PCDH7: variants seen among roughly 807,000 people sequenced by gnomAD.
PCDH7 encodes protocadherin-7.
In PCDH7, 17 loss-of-function variants were observed where a neutral mutation model predicts 58.9. That is an observed-to-expected ratio of 0.29 (90% CI 0.20 to 0.43). PCDH7 has a LOEUF of 0.43. Among genes scored for constraint, PCDH7 ranks in the 20% least tolerant of loss-of-function variants. The probability of loss-of-function intolerance (pLI) is 1.00; values close to 1 mark genes in which losing one functional copy is unlikely to be tolerated. For synonymous variants in PCDH7, 664 were observed against 616.4 expected (o/e 1.08, Z -1.14); for missense variants, 1,274 against 1,441.0 (o/e 0.88, Z 1.88).
chr4:31,112,554 G>A (rs552795780), intron 3 of PCDH7, among the ~76,000 whole-genome samples: 24 of 152,210 alleles, frequency 1.6e-4, no homozygotes, highest in Middle Eastern at 3.4e-3. Flanking sequence ...TTCAGTTGGC[G>A]TAACATGCTG....
rs73214914 is a variant in PCDH7 at position 30,861,219 on chromosome 4, A to G, written c.71-58934A>G. Reference sequence around the variant, plus strand: ...ATGCCTCCAACGATTCAACATCAGCATTACAGGATCTTGAGTTGTTTTTCC... The same window carrying G: ...ATGCCTCCAACGATTCAACATCAGCGTTACAGGATCTTGAGTTGTTTTTCC... On this transcript the variant is annotated intron_variant, in intron 1 of 3. Transcript: ENST00000509759. 5.6e-3 allele frequency among the ~76,000 whole-genome samples: 856 copies of G among 152,302 alleles called. 5 individuals are homozygous for G. The highest frequency in any genetic ancestry group is 0.02 in the Middle Eastern group (6 of 294).
At chr4:30,731,048 A>G (rs947111097) in exon 2 of PCDH7, 2 of 1,189,410 alleles carry the variant, frequency 1.7e-6, no homozygotes, top group Non-Finnish European at 2.1e-6. Context: ...ATTCTTAAAG[A>G]GGCGGTTAGC....
intron 3 of PCDH7, among the ~76,000 whole-genome samples, chr4:31,134,634 A>G (rs1181213961): frequency 6.6e-6 from 1 of 152,178 alleles, no homozygotes; most frequent in Admixed American, 6.5e-5. Context: ...ACACACAAAC[A>G]TAACTTAGTG....
At chr4:30,870,999 C>T (rs1205936034) in intron 1 of PCDH7, among the ~76,000 whole-genome samples, 2 of 151,978 alleles carry the variant, frequency 1.3e-5, no homozygotes, top group East Asian at 3.9e-4. Flanking sequence ...TTATTTGGCT[C>T]TTCTGTGAGG....
At chr4:31,018,326 T>C (rs1393834793) in intron 3 of PCDH7, among the ~76,000 whole-genome samples, 1 of 152,192 alleles carries the variant, frequency 6.6e-6, no homozygotes, top group Non-Finnish European at 1.5e-5. Context: ...AACCACGATG[T>C]TTGAACCTAG....
intron 1 of PCDH7, among the ~76,000 whole-genome samples, chr4:30,809,734 A>G (rs759146114): frequency 3.3e-4 from 50 of 152,262 alleles, no homozygotes; most frequent in Non-Finnish European, 6.2e-4. Context: ...CTGCATGGGT[A>G]TTCTTTACAA....
intron 1 of PCDH7, among the ~76,000 whole-genome samples, chr4:30,790,131 T>C (rs1723924904): frequency 6.6e-6 from 1 of 152,236 alleles, no homozygotes; most frequent in Non-Finnish European, 1.5e-5. Context: ...TTTTTTTGAA[T>C]GCTATTATTT....
chr4:30,938,074 T>C (rs1246430864), intron 2 of PCDH7, among the ~76,000 whole-genome samples: 3 of 152,052 alleles, frequency 2.0e-5, no homozygotes, highest in Admixed American at 2.0e-4. Flanking sequence ...GTTAGGACAA[T>C]TCTCTTGTAG....
intron 1 of PCDH7, among the ~76,000 whole-genome samples, chr4:30,896,506 C>G (rs1739406849): frequency 6.6e-6 from 1 of 152,040 alleles, no homozygotes; most frequent in South Asian, 2.1e-4. Flanking sequence ...ATATACAGTA[C>G]AAACCTCATC....
intron 3 of PCDH7, among the ~76,000 whole-genome samples, chr4:30,971,724 G>A (rs558247999): frequency 5.3e-5 from 8 of 152,284 alleles, no homozygotes; most frequent in African/African-American, 1.7e-4. Context: ...CCAACCATGA[G>A]CACACCATTA....
At chr4:31,024,535 T>C (rs1473353010) in intron 3 of PCDH7, among the ~76,000 whole-genome samples, 2 of 152,196 alleles carry the variant, frequency 1.3e-5, no homozygotes, top group African/African-American at 4.8e-5. Flanking sequence ...TTAGAATCAG[T>C]ACCATAATTT....
Position 30,957,716 on chromosome 4 carries a change from C to G in PCDH7, c.*7+7501C>G, listed in dbSNP as rs117511089. ...CAAAAGGACACTGCATATCGAATGT[C>G]TTTAAATACATTAAATAGGCTTTAC... On this transcript the variant is annotated intron_variant, in intron 3 of 3. Transcript: ENST00000509759. 5.6e-4 allele frequency among the ~76,000 whole-genome samples: 85 copies of G among 152,228 alleles called. 2 individuals are homozygous for G. The East Asian group carries it at 0.014, about 26-fold the overall frequency.
At chr4:30,923,981 A>G (rs1316530462) in intron 2 of PCDH7, among the ~76,000 whole-genome samples, 1 of 152,196 alleles carries the variant, frequency 6.6e-6, no homozygotes, top group Non-Finnish European at 1.5e-5. Flanking sequence ...CAAGTTAAAA[A>G]CCAAACATTA....
chr4:30,724,793 G>C, intron 1 of PCDH7, 197 bp downstream of exon 1: 8 of 1,403,350 alleles, frequency 5.7e-6, no homozygotes, highest in Non-Finnish European at 6.5e-6. Context: ...TTGCAAATTA[G>C]AATTAAGGTT....
At chr4:30,796,318 T>A (rs1450918350) in intron 1 of PCDH7, among the ~76,000 whole-genome samples, 2 of 152,220 alleles carry the variant, frequency 1.3e-5, no homozygotes, top group African/African-American at 4.8e-5. Flanking sequence ...TCACCGTTAT[T>A]TACTGTTTAG....
intron 3 of PCDH7, among the ~76,000 whole-genome samples, chr4:31,094,981 T>C (rs1323353572): frequency 6.6e-6 from 1 of 152,058 alleles, no homozygotes; most frequent in Non-Finnish European, 1.5e-5. Context: ...GTAATCTTTT[T>C]AGTAAAGGTG....
At chr4:31,003,684 G>C (rs1752537758) in intron 3 of PCDH7, among the ~76,000 whole-genome samples, 1 of 151,980 alleles carries the variant, frequency 6.6e-6, no homozygotes, top group African/African-American at 2.4e-5. Flanking sequence ...GAGGCGTGTG[G>C]ATCACGAGGT....
At chr4:30,819,618 G>T (rs1416369327) in intron 1 of PCDH7, among the ~76,000 whole-genome samples, 2 of 152,118 alleles carry the variant, frequency 1.3e-5, no homozygotes, top group Admixed American at 6.6e-5. Flanking sequence ...GGGGTGTTAT[G>T]ATATGATAGT....
intron 3 of PCDH7, among the ~76,000 whole-genome samples, chr4:31,124,568 C>A (rs1335156632): frequency 6.6e-6 from 1 of 152,130 alleles, no homozygotes; most frequent in Non-Finnish European, 1.5e-5. Context: ...TACCTTCTTA[C>A]CTCACTGTCT....
Sources: allele counts gnomAD v4.1 joint callset (sites outside exome capture counted in the v4.1 genomes callset), GRCh38; gene constraint gnomAD v4.1.1; transcripts MANE v1.5; gene names NCBI Gene and HGNC (gene_info 2026-07-23, HGNC 2026-07-21).